The following GRM3 variants were observed in gnomAD, a reference collection of about 807,000 sequenced individuals.
The protein encoded by GRM3 is glutamate metabotropic receptor 3, also known as metabotropic glutamate receptor 3.
A neutral mutation model predicts 70.5 loss-of-function variants in GRM3; 26 were observed. The ratio of observed to expected loss-of-function variants is 0.37; its 90% CI spans 0.27 to 0.51. GRM3 has a LOEUF of 0.51. Ranked by LOEUF, GRM3 falls within the 20% of genes least tolerant of loss-of-function variation. The pLI, the probability that GRM3 is intolerant of heterozygous loss-of-function variation, is 0.93. For missense variants in GRM3, 859 were observed against 1,123.8 expected (o/e 0.76, Z 3.37); for synonymous variants, 443 against 434.9 (o/e 1.02, Z -0.23).
At chr7:86,766,291 C>G (rs1168956871) in intron 2 of GRM3, among the ~76,000 whole-genome samples, 2 of 151,706 alleles carry the variant, frequency 1.3e-5, no homozygotes, top group Non-Finnish European at 2.9e-5. Flanking sequence ...TTTACTAAAG[C>G]ATTTTTTTGT....
At chr7:86,750,043 CA>C (rs1238155604) in intron 1 of GRM3, among the ~76,000 whole-genome samples, 3 of 151,296 alleles carry the variant, frequency 2.0e-5, no homozygotes, top group Non-Finnish European at 2.9e-5. Flanking sequence ...CATACAAGTT[CA>C]AAAAAAATTG....
intron 1 of GRM3, among the ~76,000 whole-genome samples, chr7:86,648,217 T>C (rs1793525003): frequency 6.6e-6 from 1 of 152,232 alleles, no homozygotes; most frequent in Non-Finnish European, 1.5e-5. Context: ...TAATTTAATT[T>C]ACTAATGTAA....
In GRM3 at chr7:86,793,810, A is replaced by C. The variant is rs190898666; in HGVS notation, c.1324+6694A>C. ...GCTGCTTGTTATTTTTACTATTATC[A>C]TTATAGTTGTTATTATTATTGTCAT... On this transcript the variant is annotated intron_variant, in intron 3 of 5. Transcript: ENST00000361669. Among the ~76,000 whole-genome samples the C allele has an allele frequency of 2.0e-5, 3 of 152,076 alleles. No homozygotes were observed. In the East Asian group the frequency reaches 5.8e-4, roughly 29 times the overall value.
At chr7:86,658,495 T>C (rs1793806233) in intron 1 of GRM3, among the ~76,000 whole-genome samples, 1 of 152,152 alleles carries the variant, frequency 6.6e-6, no homozygotes, top group Non-Finnish European at 1.5e-5. Context: ...TGACCTTCTA[T>C]AGTAGGTTGG....
chr7:86,671,971 G>A (rs897520227), intron 1 of GRM3, among the ~76,000 whole-genome samples: 2 of 152,110 alleles, frequency 1.3e-5, no homozygotes, highest in Non-Finnish European at 2.9e-5. Context: ...TTATTAAACA[G>A]GTTCGACTCA....
intron 1 of GRM3, among the ~76,000 whole-genome samples, chr7:86,734,908 A>G (rs1317476200): frequency 6.6e-6 from 1 of 152,160 alleles, no homozygotes; most frequent in African/African-American, 2.4e-5. Context: ...ACTACACTTG[A>G]TAGAAAATAT....
At chr7:86,646,104 G>C (rs1299125811) in intron 1 of GRM3, among the ~76,000 whole-genome samples, 1 of 151,318 alleles carries the variant, frequency 6.6e-6, no homozygotes, top group African/African-American at 2.4e-5. Context: ...GTTTGCAGAA[G>C]TATATTCAAT....
chr7:86,820,772 T>C (rs989188494), intron 3 of GRM3, among the ~76,000 whole-genome samples: 1 of 152,080 alleles, frequency 6.6e-6, no homozygotes, highest in African/African-American at 2.4e-5. Flanking sequence ...TCTTTTATGT[T>C]CCCTGAGAGG....
intron 1 of GRM3, among the ~76,000 whole-genome samples, chr7:86,712,233 G>T (rs953001710): frequency 3.3e-5 from 5 of 151,916 alleles, no homozygotes; most frequent in African/African-American, 1.2e-4. Flanking sequence ...AGCTGTATTT[G>T]TAAGCCATTC....
At chr7:86,729,048 T>G (rs1236089353) in intron 1 of GRM3, among the ~76,000 whole-genome samples, 1 of 152,216 alleles carries the variant, frequency 6.6e-6, no homozygotes, top group Non-Finnish European at 1.5e-5. Flanking sequence ...TCGTTCCACC[T>G]TTGTAGAATG....
chr7:86,773,727 C>T (rs1796805495), intron 2 of GRM3, among the ~76,000 whole-genome samples: 1 of 152,126 alleles, frequency 6.6e-6, no homozygotes, highest in Admixed American at 6.6e-5. Context: ...GGGAGGGAGG[C>T]ACCAGCAACA....
At chr7:86,771,968 C>A (rs1796754692) in intron 2 of GRM3, among the ~76,000 whole-genome samples, 1 of 152,032 alleles carries the variant, frequency 6.6e-6, no homozygotes, top group Non-Finnish European at 1.5e-5. Flanking sequence ...GTCTGTATGC[C>A]TTGCAAATCC....
intron 3 of GRM3, among the ~76,000 whole-genome samples, chr7:86,806,246 T>C (rs528621944): frequency 6.4e-4 from 98 of 152,318 alleles, no homozygotes; most frequent in African/African-American, 2.3e-3. Context: ...TGATTTATAA[T>C]CCTTTGTGTA....
chr7:86,667,925 C>A (rs776426046), intron 1 of GRM3, among the ~76,000 whole-genome samples: 1 of 152,066 alleles, frequency 6.6e-6, no homozygotes, highest in Non-Finnish European at 1.5e-5. Flanking sequence ...AAGCAGACAC[C>A]GGAGGGAGCC....
At chr7:86,796,417 T>C (rs1797551783) in intron 3 of GRM3, among the ~76,000 whole-genome samples, 1 of 152,168 alleles carries the variant, frequency 6.6e-6, no homozygotes, top group Non-Finnish European at 1.5e-5. Context: ...GTTCCATTGG[T>C]CCATGTGTCT....
intron 3 of GRM3, among the ~76,000 whole-genome samples, chr7:86,809,793 C>T (rs887020301): frequency 2.2e-4 from 34 of 152,120 alleles, no homozygotes; most frequent in African/African-American, 7.7e-4. Flanking sequence ...GAATGCATTA[C>T]GAGCTGTCAC....
chr7:86,852,711 C>T (rs1448102879), intron 5 of GRM3, among the ~76,000 whole-genome samples: 2 of 152,082 alleles, frequency 1.3e-5, no homozygotes, highest in Non-Finnish European at 2.9e-5. Flanking sequence ...TTTTATATAA[C>T]ATCTCTTGGC....
At chr7:86,714,784 G>A (rs1053166393) in intron 1 of GRM3, among the ~76,000 whole-genome samples, 3 of 151,934 alleles carry the variant, frequency 2.0e-5, no homozygotes, top group Non-Finnish European at 1.5e-5. Context: ...GCTGCTACAG[G>A]CATTCATTCA....
At chr7:86,693,393 T>G (rs1474272227) in intron 1 of GRM3, among the ~76,000 whole-genome samples, 3 of 152,102 alleles carry the variant, frequency 2.0e-5, no homozygotes. Flanking sequence ...CACACAAACA[T>G]AGCAGGAGAT....
Sources: gnomAD v4.1 joint callset for allele counts (sites outside exome capture counted in the v4.1 genomes callset) on GRCh38, gnomAD v4.1.1 for gene constraint, MANE v1.5 for transcripts, NCBI Gene and HGNC (gene_info 2026-07-23, HGNC 2026-07-21) for gene names.